The following RHOH variants were observed in gnomAD, a reference collection of about 807,000 sequenced individuals.
RHOH encodes the protein rho-related GTP-binding protein RhoH.
A neutral mutation model predicts 13.8 loss-of-function variants in RHOH; 6 were observed. The observed-to-expected ratio is 0.44, with a 90% CI of 0.24 to 0.86. RHOH has a LOEUF of 0.86. RHOH is among the 40% of genes least tolerant of loss of function. The probability of loss-of-function intolerance (pLI) is 0.24; values close to 1 mark genes in which losing one functional copy is unlikely to be tolerated. For synonymous variants in RHOH, 117 were observed against 103.0 expected, an observed-to-expected ratio of 1.14 and a Z score of -0.82; for missense variants, 147 against 244.5, an observed-to-expected ratio of 0.60 and a Z score of 2.66.
At chr4:40,208,239 C>T (rs1182659233) in intron 1 of RHOH, among the ~76,000 whole-genome samples, 1 of 152,084 alleles carries the variant, frequency 6.6e-6, no homozygotes, top group African/African-American at 2.4e-5. Context: ...TAAATTTGGT[C>T]GTGATTGATT....
chr4:40,242,290 A>C lies in RHOH; in HGVS notation c.-330-424A>C, dbSNP rs576357751. 2.2e-4 allele frequency among the ~76,000 whole-genome samples: 33 copies of C among 152,380 alleles called. 1 individual carries two copies. In the East Asian group the frequency reaches 6.2e-3, roughly 28 times the overall value. ...ACAGGCACTGAATATGGTTGCTTTC[A>C]AGCAAGTTATTTTGTTTAACCAGGG... On this transcript the variant is annotated intron_variant, in intron 1 of 2. Transcript: ENST00000381799.
At chr4:40,223,978 G>T (rs1436676358) in intron 1 of RHOH, among the ~76,000 whole-genome samples, 1 of 151,980 alleles carries the variant, frequency 6.6e-6, no homozygotes, top group Non-Finnish European at 1.5e-5. Context: ...CTCCATGTTG[G>T]TCAGGCTGGT....
chr4:40,234,044 A>G (rs1343513037), intron 1 of RHOH, among the ~76,000 whole-genome samples: 1 of 152,254 alleles, frequency 6.6e-6, no homozygotes, highest in Non-Finnish European at 1.5e-5. Context: ...TGCGTGGGCC[A>G]TAGTTTGACA....
chr4:40,243,700 A>G lies in RHOH; in HGVS notation c.314A>G (p.Asn105Ser), dbSNP rs1215971954. The G allele has an allele frequency of 6.2e-7, 1 of 1,614,162 alleles. No homozygotes were observed. The change falls in exon 3 of 3, where the codon AAC (asparagine) becomes AGC (serine). Residue 105 changes from asparagine (N) to serine (S), a missense_variant. Asn to Ser is a conservative substitution (Grantham distance 46). Transcript: ENST00000381799. This position sits in a 1 kb window ranked among gnomAD's most constrained non-coding sequence, Gnocchi z 6.2. ...KNKWIGEIRS[N>S]LPCTPVLVVA... ...AAGTGGATTGGTGAAATTAGGAGCAACTTGCCCTGTACCCCTGTGCTGGTG... is the reference window on the plus strand; with the variant it reads ...AAGTGGATTGGTGAAATTAGGAGCAGCTTGCCCTGTACCCCTGTGCTGGTG...
chr4:40,210,598 A>G (rs28593369), intron 1 of RHOH, among the ~76,000 whole-genome samples: 4,659 of 149,540 alleles, frequency 0.031, 245 homozygotes, highest in African/African-American at 0.11. Flanking sequence ...AACAGGAAAT[A>G]GACTTATTAT....
intron 1 of RHOH, among the ~76,000 whole-genome samples, chr4:40,215,115 G>A (rs1037078212): frequency 1.3e-5 from 2 of 152,104 alleles, no homozygotes; most frequent in Non-Finnish European, 2.9e-5. Flanking sequence ...AAAACTACCC[G>A]GTAAGGCTGC....
intron 1 of RHOH, among the ~76,000 whole-genome samples, chr4:40,233,190 A>ACAAC (rs1360275053): frequency 6.6e-6 from 1 of 152,204 alleles, no homozygotes; most frequent in African/African-American, 2.4e-5. Context: ...TTAATTCTGT[A>ACAAC]CAACCACCTT....
chr4:40,210,533 C>T (rs1725147062), intron 1 of RHOH, among the ~76,000 whole-genome samples: 2 of 152,152 alleles, frequency 1.3e-5, no homozygotes, highest in South Asian at 4.1e-4. Flanking sequence ...TATCAGCTTC[C>T]GTGTCATTGG....
chr4:40,215,581 C>A (rs958965181), intron 1 of RHOH, among the ~76,000 whole-genome samples: 2 of 152,200 alleles, frequency 1.3e-5, no homozygotes, highest in African/African-American at 4.8e-5. Context: ...GGTGGAATTA[C>A]TTCTGACTCA....
upstream of RHOH, among the ~76,000 whole-genome samples, chr4:40,195,326 G>T (rs11940760): frequency 0.014 from 2,079 of 151,130 alleles, 38 homozygotes; most frequent in African/African-American, 0.048. Context: ...TTTCCACAGA[G>T]GATTTTCCCT....
At chr4:40,194,147 A>C (rs1579206645), upstream of RHOH, among the ~76,000 whole-genome samples, 1 of 152,134 alleles carries the variant, frequency 6.6e-6, no homozygotes, top group Non-Finnish European at 1.5e-5. Flanking sequence ...TGCCTCTTTA[A>C]ATCTTTTAGA....
intron 1 of RHOH, among the ~76,000 whole-genome samples, chr4:40,231,054 C>A (rs144472034): frequency 1.3e-5 from 2 of 152,142 alleles, no homozygotes; most frequent in African/African-American, 4.8e-5. Flanking sequence ...TTTTTAAATG[C>A]ACTTAAGCAA....
intron 1 of RHOH, among the ~76,000 whole-genome samples, chr4:40,235,590 C>CAAAAAAAAAAAAAAAAAAAAAAA (rs34336418): frequency 1.3e-5 from 1 of 74,798 alleles, no homozygotes; most frequent in Admixed American, 1.8e-4. Flanking sequence ...AACTTCATCT[C>CAAAAAAAAAAAAAAAAAAAAAAA]AAAAAAAAAA....
chr4:40,237,811 G>A (rs1728766453), intron 1 of RHOH, among the ~76,000 whole-genome samples: 1 of 152,118 alleles, frequency 6.6e-6, no homozygotes, highest in Non-Finnish European at 1.5e-5. Context: ...GACAGCTGAG[G>A]ATTCCATCAG....
chr4:40,213,688 G>A (rs144257635), intron 1 of RHOH, among the ~76,000 whole-genome samples: 2,569 of 152,132 alleles, frequency 0.017, 39 homozygotes, highest in African/African-American at 0.037. Flanking sequence ...GGTCATCTGA[G>A]GACAGCTGCC....
chr4:40,244,916 G>C lies in RHOH; in HGVS notation c.*954G>C, dbSNP rs367865622. ...TTTGTTATAAATTTGTCTAAACTGA[G>C]CTGTTGTGGCAACATAATTTATGAA... is the stretch of plus-strand genomic sequence containing the variant. On this transcript the variant is annotated 3_prime_UTR_variant, in exon 3 of 3. Transcript: ENST00000381799. 4 of 159,288 alleles carry C rather than the reference G, an allele frequency of 2.5e-5. No individual in the cohort carries two copies. Among genetic ancestry groups the C allele is most frequent in the South Asian group, 2.0e-4 (1 of 4,900 alleles). 9.9% of individuals were successfully genotyped at this position (159,288 alleles called of 1,614,324 possible).
At chr4:40,199,612 G>A (rs1454606569) in intron 1 of RHOH, among the ~76,000 whole-genome samples, 5 of 152,316 alleles carry the variant, frequency 3.3e-5, no homozygotes, top group African/African-American at 7.2e-5. Flanking sequence ...CTCTCTGAAC[G>A]CTTGGGGTGG....
intron 1 of RHOH, among the ~76,000 whole-genome samples, chr4:40,227,754 C>A (rs977537682): frequency 3.1e-4 from 47 of 152,120 alleles, no homozygotes; most frequent in African/African-American, 1.0e-3. Context: ...GACCGTCTTG[C>A]TGGAAAAGTA....
At chr4:40,222,682 A>T (rs1726729544) in intron 1 of RHOH, among the ~76,000 whole-genome samples, 1 of 152,380 alleles carries the variant, frequency 6.6e-6, no homozygotes, top group Non-Finnish European at 1.5e-5. Flanking sequence ...TGCTGTTTTC[A>T]TGCCTGTTAA....
Sources: gnomAD v4.1 joint callset for allele counts (sites outside exome capture counted in the v4.1 genomes callset) on GRCh38, gnomAD v4.1.1 for gene constraint, Gnocchi (gnomAD v3.1) non-coding constraint, MANE v1.5 for transcripts, NCBI Gene and HGNC (gene_info 2026-07-23, HGNC 2026-07-21) for gene names.